Variants in FRAS1 observed in about 807,000 individuals in gnomAD.
FRAS1 encodes Fraser extracellular matrix complex subunit 1.
A neutral mutation model predicts 435.2 loss-of-function variants in FRAS1; 290 were observed. That is an observed-to-expected ratio of 0.67 (90% CI 0.61 to 0.73). The LOEUF is 0.73. FRAS1 is among the 30% of genes least tolerant of loss of function. The pLI is 0.00. For synonymous variants in FRAS1, 1,800 were observed against 1,851.0 expected, an observed-to-expected ratio of 0.97 and a Z score of 0.71; for missense variants, 4,860 against 5,001.5, an observed-to-expected ratio of 0.97 and a Z score of 0.85.
intron 2 of FRAS1, among the ~76,000 whole-genome samples, chr4:78,092,517 C>T (rs1011220900): frequency 6.6e-6 from 1 of 152,180 alleles, no homozygotes; most frequent in Non-Finnish European, 1.5e-5. Context: ...GAGACCCAGT[C>T]ACTATCACAG....
intron 22 of FRAS1, among the ~76,000 whole-genome samples, chr4:78,365,737 T>TAAAA (rs531246410): frequency 9.1e-5 from 12 of 132,142 alleles, no homozygotes; most frequent in African/African-American, 1.8e-4. Context: ...TCTAGTACAT[T>TAAAA]AAAAAAAAAA....
In FRAS1 at chr4:78,448,325, G is replaced by A. The variant is rs1718919460; in HGVS notation, c.6274+9G>A. On this transcript the variant is annotated intron_variant, in intron 44 of 73. Coordinates refer to ENST00000512123, the MANE Select transcript of FRAS1 (RefSeq NM_025074.7). ...CCTACAGCTCTCAGCAGGTACCACA[G>A]AAATAAAGGAGAGTGGCCATGGTTT... The A allele has an allele frequency of 6.3e-7, 1 of 1,590,160 alleles. No individual in the cohort carries two copies. Among genetic ancestry groups the A allele is most frequent in the Non-Finnish European group, 8.6e-7 (1 of 1,166,838 alleles).
At chr4:78,296,271 T>C (rs1194183664) in intron 14 of FRAS1, among the ~76,000 whole-genome samples, 1 of 151,884 alleles carries the variant, frequency 6.6e-6, no homozygotes, top group East Asian at 1.9e-4. Flanking sequence ...TTTTCTATTA[T>C]GAAGTTCCTC....
At chr4:78,364,392 C>T (rs1731187552) in intron 22 of FRAS1, among the ~76,000 whole-genome samples, 1 of 152,054 alleles carries the variant, frequency 6.6e-6, no homozygotes, top group Non-Finnish European at 1.5e-5. Context: ...CTCAGCAATC[C>T]CATTCTATGA....
At chr4:78,363,439 G>T in intron 20 of FRAS1, 74 bp from the exon 21 acceptor site, 2 of 1,420,314 alleles carry the variant, frequency 1.4e-6, no homozygotes, top group Non-Finnish European at 9.5e-7. Context: ...AATCTCTTCT[G>T]CCCTTCTGTG....
rs116301928 is a variant in FRAS1, at chr4:78,235,234, C to T, written c.109-2276C>T. 2.1e-3 allele frequency among the ~76,000 whole-genome samples: 320 copies of T among 152,312 alleles called. 1 individual carries two copies. The highest frequency in any genetic ancestry group is 7.1e-3 in the African/African-American group (296 of 41,568). On this transcript the variant is annotated intron_variant, in intron 2 of 73. Transcript: ENST00000512123. ...CCTCTACAAAGTACCTCCACAGCGA[C>T]ATTGAGACTAGTGTTTGACCAAACA...
intron 15 of FRAS1, among the ~76,000 whole-genome samples, chr4:78,313,511 CT>C (rs1363658706): frequency 6.6e-6 from 1 of 152,086 alleles, no homozygotes; most frequent in Admixed American, 6.5e-5. Context: ...GGAAGGTTTG[CT>C]TTTTTTATTT....
intron 24 of FRAS1, among the ~76,000 whole-genome samples, chr4:78,373,458 A>ATAATAATAC (rs1354247650): frequency 4.7e-5 from 7 of 147,628 alleles, no homozygotes; most frequent in Non-Finnish European, 7.5e-5. Context: ...AATAATAATA[A>ATAATAATAC]TAATAATAAT....
At chr4:78,427,998 T>C (rs1734059545) in intron 35 of FRAS1, among the ~76,000 whole-genome samples, 1 of 152,226 alleles carries the variant, frequency 6.6e-6, no homozygotes, top group African/African-American at 2.4e-5. Flanking sequence ...CAGTGCAGTT[T>C]TCTTAAAGAC....
At chr4:78,316,107 A>T (rs1042038469) in intron 16 of FRAS1, among the ~76,000 whole-genome samples, 1 of 152,238 alleles carries the variant, frequency 6.6e-6, no homozygotes, top group Non-Finnish European at 1.5e-5. Flanking sequence ...ACAACACACC[A>T]CAAAAATAAA....
intron 2 of FRAS1, among the ~76,000 whole-genome samples, chr4:78,117,075 C>T (rs920972179): frequency 2.0e-5 from 3 of 152,198 alleles, no homozygotes; most frequent in African/African-American, 7.2e-5. Flanking sequence ...GATTTTATTT[C>T]TCCTTCACTT....
chr4:78,416,382 A>G (rs7669730), intron 32 of FRAS1, among the ~76,000 whole-genome samples: 9,931 of 152,080 alleles, frequency 0.065, 1,069 homozygotes, highest in African/African-American at 0.22. Flanking sequence ...GATCCATTGC[A>G]CAACTGTATG....
intron 23 of FRAS1, among the ~76,000 whole-genome samples, chr4:78,371,374 C>G (rs1333490949): frequency 6.6e-6 from 1 of 152,082 alleles, no homozygotes; most frequent in African/African-American, 2.4e-5. Context: ...AGAGGTTTCT[C>G]CAGTTTCTTA....
At chr4:78,156,848 G>C (rs1053565180) in intron 2 of FRAS1, among the ~76,000 whole-genome samples, 9 of 152,108 alleles carry the variant, frequency 5.9e-5, no homozygotes, top group Non-Finnish European at 1.3e-4. Context: ...TTCCAGAAGC[G>C]GGGGATGGAA....
chr4:78,115,684 T>G (rs892708056), intron 2 of FRAS1, among the ~76,000 whole-genome samples: 9 of 152,072 alleles, frequency 5.9e-5, no homozygotes, highest in Admixed American at 3.9e-4. Context: ...TATCCACTTT[T>G]TCATTTTTTA....
chr4:78,088,670 A>G (rs1421173176), intron 2 of FRAS1, among the ~76,000 whole-genome samples: 2 of 152,202 alleles, frequency 1.3e-5, no homozygotes, highest in African/African-American at 2.4e-5. Context: ...CAAAAAACAC[A>G]TGAAAAAATG....
chr4:78,363,934 C>G lies in FRAS1; in HGVS notation c.2602C>G (p.Gln868Glu), dbSNP rs753230559. 3 of 1,612,804 alleles carry G rather than the reference C, an allele frequency of 1.9e-6. No homozygotes were observed. The Admixed American group carries it at 5.0e-5, about 27-fold the overall frequency. The change falls in exon 22 of 74, where the codon CAG becomes GAG. Residue 868 changes from glutamine (Q) to glutamate (E), a missense_variant. Physicochemically the swap from Gln to Glu is conservative, Grantham distance 29 (BLOSUM62 2). Coordinates refer to ENST00000512123, the MANE Select transcript of FRAS1 (RefSeq NM_025074.7). ...KKCHSSCRTC[Q>E]GRGPFSCSSC... ...ATGCCACTCCTCCTGCAGAACCTGC[C>G]AGGGCAGAGGACCTTTCTCCTGCTC... is the stretch of plus-strand genomic sequence containing the variant.
rs2110329853 is a variant in FRAS1, at chr4:78,387,413, C to T, written c.3687C>T (p.Ser1229=). The change falls in exon 29 of 74, where the codon AGC becomes AGT. Residue 1229 remains serine (S), a synonymous_variant. Transcript: ENST00000512123. The part of the protein sequence containing the change: ...YVLRNEVLHI[S]RGERATITTQ... Reference sequence around the variant, plus strand: ...TGAGAAATGAAGTTCTCCACATTAGCAGAGGAGAGAGGGCAACCATCACCA... The same window carrying T: ...TGAGAAATGAAGTTCTCCACATTAGTAGAGGAGAGAGGGCAACCATCACCA... The T allele has an allele frequency of 6.2e-7, 1 of 1,612,896 alleles. No homozygotes were observed. The highest frequency in any genetic ancestry group is 8.5e-7 in the Non-Finnish European group (1 of 1,179,312).
intron 12 of FRAS1, 60 bp from the exon 13 acceptor site, chr4:78,284,345 T>C (rs1727476634): frequency 1.2e-5 from 19 of 1,544,200 alleles, no homozygotes; most frequent in Non-Finnish European, 1.7e-5. Context: ...TTCTGAAGGA[T>C]GTAAGAGAAA....
Sources: allele counts gnomAD v4.1 joint callset (sites outside exome capture counted in the v4.1 genomes callset), GRCh38; gene constraint gnomAD v4.1.1; transcripts MANE v1.5; gene names NCBI Gene and HGNC (gene_info 2026-07-23, HGNC 2026-07-21).